Variants in SYT4 observed in about 807,000 individuals in gnomAD.
SYT4 encodes synaptotagmin 4, also known as synaptotagmin-4.
SYT4 carries 7 observed loss-of-function variants against 32.9 expected under a neutral mutation model. The ratio of observed to expected loss-of-function variants is 0.21; its 90% CI spans 0.12 to 0.40. The LOEUF (loss-of-function observed/expected upper bound fraction) is 0.40, where lower values mean the gene tolerates loss of function less well. Among genes scored for constraint, SYT4 ranks in the 10% least tolerant of loss-of-function variants. The pLI is 1.00. For missense variants in SYT4, 480 were observed against 488.0 expected (o/e 0.98, Z 0.16); for synonymous variants, 205 against 186.2 (o/e 1.10, Z -0.82).
At chr18:43,273,316 A>G (rs1908686658) in intron 2 of SYT4, among the ~76,000 whole-genome samples, 1 of 152,160 alleles carries the variant, frequency 6.6e-6, no homozygotes, top group African/African-American at 2.4e-5. Context: ...GATTAACAAA[A>G]GTATTTATAT....
chr18:43,273,757 T>G lies in SYT4; in HGVS notation c.672A>C (p.Thr224=). The G allele has an allele frequency of 6.2e-7, 1 of 1,614,020 alleles. No homozygotes were observed. Among genetic ancestry groups the G allele is most frequent in the South Asian group, 1.1e-5 (1 of 91,076 alleles). Residue 224 remains threonine, a synonymous_variant, in exon 2 of 4, where the codon ACA becomes ACC. Transcript: ENST00000255224. The stretch of plus-strand genomic sequence containing the variant: ...TTTGGGTGTAGGGTATCCCATAGAA[T>G]GTAAAGGTCTCATCAAAAGCTGGAT... The part of the protein sequence containing the change: ...TLDPAFDETF[T]FYGIPYTQIQ...
At position 43,277,292 on chromosome 18, in the gene SYT4, G is replaced by T; in HGVS notation, c.-11C>A. 1 of 1,613,950 alleles carries T rather than the reference G, an allele frequency of 6.2e-7. No individual in the cohort carries two copies. The highest frequency in any genetic ancestry group is 2.2e-5 in the East Asian group (1 of 44,832). ...GGTGATCGGAGCCATTTTTTACTGC[G>T]TGTTCTGTCCGAGGTGCTGAAGGGA... On this transcript the variant is annotated 5_prime_UTR_variant, in exon 1 of 4. Transcript: ENST00000255224.
chr18:43,276,469 A>G (rs1294791881), intron 1 of SYT4, among the ~76,000 whole-genome samples: 1 of 152,214 alleles, frequency 6.6e-6, no homozygotes, highest in Non-Finnish European at 1.5e-5. Flanking sequence ...ATCTAAAAAT[A>G]GTACTTTTTT....
In SYT4 at chr18:43,269,589, G is replaced by A. The variant is rs1003376876; in HGVS notation, c.*752C>T. ...GATTTCTCAGGCCACACTGAGGCTT[G>A]TGACAGGCAGTGAATAATCCAAGGC... On this transcript the variant is annotated 3_prime_UTR_variant, in exon 4 of 4. Transcript: ENST00000255224. The A allele has an allele frequency of 6.5e-6, 1 of 152,718 alleles. No homozygotes were observed. The highest frequency in any genetic ancestry group is 1.9e-4 in the East Asian group (1 of 5,176). The allele number at this position is 152,718 out of a possible 1,614,324, so 9.5% of individuals were successfully genotyped here. A position where few individuals can be genotyped will look rare whatever the true frequency, so the allele number is the denominator to read the frequency against.
rs901449472 is a variant in SYT4 at position 43,273,892 on chromosome 18, G to A, written c.537C>T (p.Gly179=). The change falls in exon 2 of 4, where the codon GGC becomes GGT. Residue 179 remains glycine, a synonymous_variant. Coordinates refer to ENST00000255224, the MANE Select transcript of SYT4 (RefSeq NM_020783.4). ...AFVVNIKEAR[G]LPAMDEQSMT... is the part of the protein sequence containing the mutation. ...TCGACTGCTCATCCATGGCTGGCAA[G>A]CCACGGGCTTCCTTGATATTGACCA... 1.9e-6 allele frequency: 3 copies of A among 1,613,926 alleles called. No homozygotes were observed. In the African/African-American group the frequency reaches 4.0e-5, roughly 22 times the overall value.
intron 3 of SYT4, 24 bp from the exon 4 acceptor site, chr18:43,270,672 T>G (rs1239620132): frequency 6.2e-7 from 1 of 1,608,184 alleles, no homozygotes; most frequent in South Asian, 1.1e-5. Flanking sequence ...TAACAGGCAT[T>G]ACAATGGCAT....
In SYT4 at chr18:43,277,345, G is replaced by A. The variant is rs1164606121; in HGVS notation, c.-64C>T. ...ACTGCCTGGCTGGATTCACTTGCCT[G>A]GATCTCAAGCGCCGGCTTTCGGAGC... is the stretch of plus-strand genomic sequence containing the variant. On this transcript the variant is annotated 5_prime_UTR_variant, in exon 1 of 4. Coordinates refer to ENST00000255224, the MANE Select transcript of SYT4 (RefSeq NM_020783.4). The A allele has an allele frequency of 1.9e-6, 3 of 1,603,954 alleles. No individual in the cohort carries two copies. The highest frequency in any genetic ancestry group is 1.7e-6 in the Non-Finnish European group (2 of 1,171,492).
At position 43,270,212 on chromosome 18, in the gene SYT4, C is replaced by A. The variant is rs1023709798; in HGVS notation, c.*129G>T. On this transcript the variant is annotated 3_prime_UTR_variant, in exon 4 of 4. Coordinates refer to ENST00000255224, the MANE Select transcript of SYT4 (RefSeq NM_020783.4). The stretch of plus-strand genomic sequence containing the variant: ...TTACTTTCTGGTCTACTAATTCAAT[C>A]CATTTCTAGCAACAACAACAACAAC... 2.2e-5 allele frequency: 21 copies of A among 949,442 alleles called. No individual in the cohort carries two copies. The highest frequency in any genetic ancestry group is 3.3e-5 in the Non-Finnish European group (21 of 628,326). 58.8% of individuals were successfully genotyped at this position (949,442 alleles called of 1,614,324 possible).
Position 43,270,373 on chromosome 18 carries a change from T to C in SYT4, c.1246A>G (p.Ile416Val). Reference protein sequence around the residue: ...KEICDYPRRQIAKWHVLCDG With the variant: ...KEICDYPRRQVAKWHVLCDG ...TCACAGAGCACGTGCCACTTGGCAA[T>C]TTGTCTCCTGGGGTAGTCACAGATC... Residue 416 changes from isoleucine to valine, a missense_variant, in exon 4 of 4, where the codon ATT (isoleucine) becomes GTT (valine). Coordinates refer to ENST00000255224, the MANE Select transcript of SYT4 (RefSeq NM_020783.4). 6.2e-7 allele frequency: 1 copy of C among 1,614,032 alleles called. No individual in the cohort carries two copies. Among genetic ancestry groups the C allele is most frequent in the Non-Finnish European group, 8.5e-7 (1 of 1,179,930 alleles).
In SYT4 at chr18:43,274,343, G is replaced by A. The variant is rs1178154942; in HGVS notation, c.86C>T (p.Thr29Ile). 3 of 1,611,734 alleles carry A rather than the reference G, an allele frequency of 1.9e-6. No homozygotes were observed. Among genetic ancestry groups the A allele is most frequent in the Non-Finnish European group, 2.5e-6 (3 of 1,179,686 alleles). Residue 29 changes from threonine (T) to isoleucine (I), a missense_variant, in exon 2 of 4, where the codon ACA (threonine) becomes ATA (isoleucine). By Grantham distance (89) the Thr-to-Ile change is moderately conservative. Coordinates refer to ENST00000255224, the MANE Select transcript of SYT4 (RefSeq NM_020783.4). Reference protein sequence around the residue: ...GIFSAFGLVFTVSLFAWICCQ... With the variant: ...GIFSAFGLVFIVSLFAWICCQ... ...GCAGATCCATGCAAAGAGAGAGACT[G>A]TGAAGACCAGGCCAAATGCACTGAA... is the stretch of plus-strand genomic sequence containing the variant.
chr18:43,273,838 C>G lies in SYT4; in HGVS notation c.591G>C (p.Thr197=), dbSNP rs150432952. 2.5e-6 allele frequency: 4 copies of G among 1,613,978 alleles called. 1 individual carries two copies. In the South Asian group the frequency reaches 4.4e-5, roughly 18 times the overall value. ...CTTTATGCTTCTTCTCTGGGAGGAT[C>G]GTCATTTTGATATATGGGTCAGAGG... is the stretch of plus-strand genomic sequence containing the variant. The part of the protein sequence containing the change: ...SMTSDPYIKM[T]ILPEKKHKVK... Residue 197 remains threonine (T), a synonymous_variant, in exon 2 of 4, where the codon ACG becomes ACC. Coordinates refer to ENST00000255224, the MANE Select transcript of SYT4 (RefSeq NM_020783.4).
In SYT4 at chr18:43,277,261, G is replaced by C; in HGVS notation, c.21C>G (p.Ser7Arg). The C allele has an allele frequency of 6.2e-7, 1 of 1,613,962 alleles. No individual in the cohort carries two copies. The highest frequency in any genetic ancestry group is 8.5e-7 in the Non-Finnish European group (1 of 1,179,944). The stretch of plus-strand genomic sequence containing the variant: ...TAACTTGCTTACCAAATTCTTCCCG[G>C]CTGGTGGTGATCGGAGCCATTTTTT... MAPITT[S>R]REEFDEIPTV... is the part of the protein sequence containing the mutation. Residue 7 changes from serine (S) to arginine (R), a missense_variant, in exon 1 of 4, where the codon AGC (serine) becomes AGG (arginine). Physicochemically the swap from Ser to Arg is moderately radical, Grantham distance 110. Coordinates refer to ENST00000255224, the MANE Select transcript of SYT4 (RefSeq NM_020783.4).
At position 43,270,294 on chromosome 18, in the gene SYT4, C is replaced by A. The variant is rs1420018732; in HGVS notation, c.*47G>T. ...TCCAATATAGAAAGAAAGAAAATTT[C>A]TCCTTGCCTAGTAAAAACCTTTAAG... is the stretch of plus-strand genomic sequence containing the variant. On this transcript the variant is annotated 3_prime_UTR_variant, in exon 4 of 4. Coordinates refer to ENST00000255224, the MANE Select transcript of SYT4 (RefSeq NM_020783.4). The A allele has an allele frequency of 1.3e-6, 2 of 1,568,706 alleles. No individual in the cohort carries two copies. The highest frequency in any genetic ancestry group is 1.7e-6 in the Non-Finnish European group (2 of 1,156,920).
chr18:43,271,871 T>C (rs773560290), intron 2 of SYT4, 39 bp from the exon 3 acceptor site: 15 of 1,594,936 alleles, frequency 9.4e-6, no homozygotes, highest in Non-Finnish European at 1.3e-5. Context: ...TTTCTATCTT[T>C]TTAACTTTGA....
chr18:43,270,359 G>C lies in SYT4; in HGVS notation c.1260C>G (p.His420Gln), dbSNP rs762810780. The change falls in exon 4 of 4, where the codon CAC (histidine) becomes CAG (glutamine). Residue 420 changes from histidine (H) to glutamine (Q), a missense_variant. Transcript: ENST00000255224. ...DYPRRQIAKWHVLCDG is the reference protein window; with the variant it reads ...DYPRRQIAKWQVLCDG ...TAGGATGCTAACCATCACAGAGCAC[G>C]TGCCACTTGGCAATTTGTCTCCTGG... The C allele has an allele frequency of 6.2e-7, 1 of 1,613,902 alleles. No homozygotes were observed. The highest frequency in any genetic ancestry group is 1.7e-5 in the Admixed American group (1 of 60,008).
At chr18:43,271,990 A>G in intron 2 of SYT4, 158 bp from the exon 3 acceptor site, 1 of 754,938 alleles carries the variant, frequency 1.3e-6, no homozygotes. Context: ...GCTTTTGAGC[A>G]GTACCATCGC....
rs1189133194 is a variant in SYT4 at position 43,269,325 on chromosome 18, G to A, written c.*1016C>T. On this transcript the variant is annotated 3_prime_UTR_variant, in exon 4 of 4. Transcript: ENST00000255224. ...GTTGGTTAAGTAACACTTTTTATCTGGCAATGTAAAAAATCTTCACAGTCT... is the reference window on the plus strand; with the variant it reads ...GTTGGTTAAGTAACACTTTTTATCTAGCAATGTAAAAAATCTTCACAGTCT... 1 of 152,104 alleles carries A rather than the reference G, an allele frequency of 6.6e-6. No individual in the cohort carries two copies. The highest frequency in any genetic ancestry group is 1.5e-5 in the Non-Finnish European group (1 of 68,018). 9.4% of individuals were successfully genotyped at this position (152,104 alleles called of 1,614,324 possible).
intron 2 of SYT4, 82 bp downstream of exon 2, chr18:43,273,498 C>A (rs573091114): frequency 2.3e-6 from 2 of 877,722 alleles, no homozygotes; most frequent in South Asian, 3.7e-5. Context: ...ACAAGCTTAT[C>A]ATATTAATAA....
Position 43,270,280 on chromosome 18 carries a change from A to C in SYT4, c.*61T>G. 6.5e-7 allele frequency: 1 copy of C among 1,548,258 alleles called. No individual in the cohort carries two copies. The highest frequency in any genetic ancestry group is 1.2e-5 in the South Asian group (1 of 82,958). On this transcript the variant is annotated 3_prime_UTR_variant, in exon 4 of 4. Transcript: ENST00000255224. ...TCCCAAGCTTGCAATCCAATATAGA[A>C]AGAAAGAAAATTTCTCCTTGCCTAG...
Sources: gnomAD v4.1 joint callset for allele counts (sites outside exome capture counted in the v4.1 genomes callset) on GRCh38, gnomAD v4.1.1 for gene constraint, MANE v1.5 for transcripts, NCBI Gene and HGNC (gene_info 2026-07-23, HGNC 2026-07-21) for gene names.